The following MYBPC1 variants were observed in gnomAD, a reference collection of about 807,000 sequenced individuals.
MYBPC1 encodes the protein myosin-binding protein C, slow-type.
Under a neutral mutation model 147.1 loss-of-function variants are expected in MYBPC1, and 52 were observed. The observed-to-expected ratio is 0.35, with a 90% CI of 0.28 to 0.45. The LOEUF (loss-of-function observed/expected upper bound fraction) is 0.45. Among genes scored for constraint, MYBPC1 ranks in the 20% least tolerant of loss-of-function variants. The pLI, the probability that MYBPC1 is intolerant of heterozygous loss-of-function variation, is 1.00. For synonymous variants in MYBPC1, 477 were observed against 475.9 expected, an observed-to-expected ratio of 1.00 and a Z score of -0.03; for missense variants, 1,228 against 1,440.3, an observed-to-expected ratio of 0.85 and a Z score of 2.39.
chr12:101,685,735 A>G lies in MYBPC1; in HGVS notation c.*173A>G. On this transcript the variant is annotated 3_prime_UTR_variant, in exon 32 of 32. Coordinates refer to ENST00000361466, the MANE Select transcript of MYBPC1 (RefSeq NM_002465.4). ...ACTCTGCTGCTTTGAAATCTGGTTG[A>G]AATGAGAAAAAGCATTTTCTGTTTT... is the stretch of plus-strand genomic sequence containing the variant. 1 of 1,312,984 alleles carries G rather than the reference A, an allele frequency of 7.6e-7. No homozygotes were observed. Among genetic ancestry groups the G allele is most frequent in the Non-Finnish European group, 1.0e-6 (1 of 965,874 alleles). 81.3% of individuals were successfully genotyped at this position (1,312,984 alleles called of 1,614,324 possible).
intron 18 of MYBPC1, among the ~76,000 whole-genome samples, chr12:101,654,498 A>G (rs1187556899): frequency 6.6e-6 from 1 of 152,168 alleles, no homozygotes; most frequent in Non-Finnish European, 1.5e-5. Context: ...CCTGGACAGA[A>G]CCCAGTGGAC....
At chr12:101,670,434 T>C (rs1413408807) in intron 24 of MYBPC1, 25 bp downstream of exon 24, 7 of 1,585,162 alleles carry the variant, frequency 4.4e-6, no homozygotes, top group Admixed American at 3.3e-5. Flanking sequence ...GTCGCTCTTT[T>C]TCTCTTTAGA....
chr12:101,630,251 CCA>C lies in MYBPC1; in HGVS notation c.289+709_289+710del, dbSNP rs376263152. ...TTCCTTTTTACGGCTGGATAATATT[CCA>C]CTGTGTGTATACACTAAATCCTGCT... On this transcript the variant is annotated intron_variant, in intron 6 of 31. Coordinates refer to ENST00000361466, the MANE Select transcript of MYBPC1 (RefSeq NM_002465.4). 2.1e-3 allele frequency among the ~76,000 whole-genome samples: 319 copies of C among 152,272 alleles called. 5 individuals carry two copies. Among genetic ancestry groups the C allele is most frequent in the African/African-American group, 7.4e-3 (308 of 41,536 alleles).
chr12:101,666,628 A>T, intron 22 of MYBPC1: 1 of 1,053,316 alleles, frequency 9.5e-7, no homozygotes, highest in Non-Finnish European at 1.5e-6. Flanking sequence ...CTCTGAGGAC[A>T]AATCTCTTTG....
At chr12:101,670,944 A>C (rs963816866) in intron 24 of MYBPC1, among the ~76,000 whole-genome samples, 1 of 152,028 alleles carries the variant, frequency 6.6e-6, no homozygotes, top group Non-Finnish European at 1.5e-5. Flanking sequence ...CACAAAATTC[A>C]CTAGTCTTTA....
chr12:101,681,939 T>C (rs879303830), intron 29 of MYBPC1, among the ~76,000 whole-genome samples: 6 of 152,052 alleles, frequency 3.9e-5, no homozygotes, highest in Non-Finnish European at 8.8e-5. Flanking sequence ...TAAAGCTGTA[T>C]TCTTTCTTTC....
downstream of MYBPC1, among the ~76,000 whole-genome samples, chr12:101,690,194 A>C (rs1951394415): frequency 6.6e-6 from 1 of 151,838 alleles, no homozygotes. Context: ...AAGAAATGAA[A>C]ACTTTCTAGC....
chr12:101,658,797 T>C (rs1565973420), intron 18 of MYBPC1, among the ~76,000 whole-genome samples: 1 of 152,216 alleles, frequency 6.6e-6, no homozygotes, highest in Non-Finnish European at 1.5e-5. Context: ...TTATTTCAGG[T>C]ATTCTTACTG....
chr12:101,652,543 TC>T, intron 16 of MYBPC1, 134 bp from the exon 17 acceptor site: 4 of 677,176 alleles, frequency 5.9e-6, no homozygotes, highest in South Asian at 3.3e-5. Context: ...TCTCTCTCTC[TC>T]TTTCTCTCTC....
At chr12:101,684,073 T>G (rs1951197765) in intron 30 of MYBPC1, among the ~76,000 whole-genome samples, 1 of 152,146 alleles carries the variant, frequency 6.6e-6, no homozygotes, top group Non-Finnish European at 1.5e-5. Context: ...TGTTTTAAGC[T>G]AATGGTTTGG....
intron 3 of MYBPC1, among the ~76,000 whole-genome samples, chr12:101,619,132 C>A (rs1334618186): frequency 3.9e-5 from 6 of 152,062 alleles, no homozygotes. Flanking sequence ...AGGAGCCCTG[C>A]ACGAGCATAA....
chr12:101,680,712 G>A (rs1436777768), intron 29 of MYBPC1, among the ~76,000 whole-genome samples, 183 bp downstream of exon 29: 2 of 152,150 alleles, frequency 1.3e-5, no homozygotes, highest in Admixed American at 6.5e-5. Context: ...TTTACATCCT[G>A]CATTCACTTC....
chr12:101,599,249 T>A (rs1259918575), intron 1 of MYBPC1, among the ~76,000 whole-genome samples: 1 of 152,238 alleles, frequency 6.6e-6, no homozygotes, highest in Non-Finnish European at 1.5e-5. Flanking sequence ...ATTCATCTTA[T>A]CCATCTTGGT....
At chr12:101,598,021 T>TTC (rs1366429759) in intron 1 of MYBPC1, among the ~76,000 whole-genome samples, 1 of 142,610 alleles carries the variant, frequency 7.0e-6, no homozygotes, top group African/African-American at 3.0e-5. Flanking sequence ...CCTTTCTTTT[T>TTC]TTTTTTTTTT....
At chr12:101,679,060 A>T (rs978654314) in intron 28 of MYBPC1, among the ~76,000 whole-genome samples, 2 of 151,844 alleles carry the variant, frequency 1.3e-5, no homozygotes, top group Admixed American at 6.6e-5. Context: ...GAGGCAGGAG[A>T]ATTGCATGAA....
At chr12:101,642,340 A>C in intron 10 of MYBPC1, 79 bp from the exon 11 acceptor site, 1 of 1,477,862 alleles carries the variant, frequency 6.8e-7, no homozygotes, top group South Asian at 1.2e-5. Context: ...GAACTGAAAA[A>C]GCAGAATTAT....
At chr12:101,627,827 C>T (rs754822530) in intron 5 of MYBPC1, 23 bp downstream of exon 5, 5 of 1,608,092 alleles carry the variant, frequency 3.1e-6, no homozygotes, top group Non-Finnish European at 4.3e-6. Context: ...CCAGAGAAGG[C>T]ATCCTGACCT....
chr12:101,664,355 C>T (rs1411111656), intron 22 of MYBPC1: 2 of 152,158 alleles, frequency 1.3e-5, no homozygotes, highest in Non-Finnish European at 2.9e-5. Context: ...GAAAATGGCT[C>T]TGGACTTGGG....
chr12:101,627,680 T>C, intron 4 of MYBPC1, 89 bp from the exon 5 acceptor site: 12 of 1,450,376 alleles, frequency 8.3e-6, no homozygotes, highest in Non-Finnish European at 9.7e-6. Context: ...GAGACAGGGT[T>C]TAGGGGAATC....
Sources: allele counts gnomAD v4.1 joint callset (sites outside exome capture counted in the v4.1 genomes callset), GRCh38; gene constraint gnomAD v4.1.1; transcripts MANE v1.5; gene names NCBI Gene and HGNC (gene_info 2026-07-23, HGNC 2026-07-21).